The following CELF2 variants were observed in gnomAD, a reference collection of about 807,000 sequenced individuals.
CELF2 encodes CUG triplet repeat RNA-binding protein 2.
Under a neutral mutation model 62.6 loss-of-function variants are expected in CELF2, and 8 were observed. The observed-to-expected ratio is 0.13, with a 90% CI of 0.07 to 0.23. CELF2 has a LOEUF of 0.23. Among genes scored for constraint, CELF2 ranks in the 10% least tolerant of loss-of-function variants. The probability of loss-of-function intolerance (pLI) is 1.00; values close to 1 mark genes in which losing one functional copy is unlikely to be tolerated. For missense variants in CELF2, 333 were observed against 671.0 expected, an observed-to-expected ratio of 0.50 and a Z score of 5.56; for synonymous variants, 258 against 250.0, an observed-to-expected ratio of 1.03 and a Z score of -0.30.
Position 11,157,537 on chromosome 10 carries a change from G to A in CELF2, c.75-7949G>A, listed in dbSNP as rs1046833791. Among the ~76,000 whole-genome samples the A allele has an allele frequency of 4.6e-5, 7 of 152,044 alleles. No individual in the cohort carries two copies. The highest frequency in any genetic ancestry group is 2.0e-4 in the Admixed American group (3 of 15,272). On this transcript the variant is annotated intron_variant, in intron 1 of 12. Coordinates refer to ENST00000633077, the MANE Select transcript of CELF2 (RefSeq NM_001326342.2). The surrounding 1 kb of genome is among the most constrained non-coding windows in gnomAD (Gnocchi z 4.9). ...GCCTTTATTTATTGCTCTATTATAGGCCTTATACCACATTGGTTTTGGTTT... is the reference window on the plus strand; with the variant it reads ...GCCTTTATTTATTGCTCTATTATAGACCTTATACCACATTGGTTTTGGTTT...
upstream of CELF2, chr10:10,794,583 A>G (rs1382494759): frequency 7.1e-6 from 1 of 141,698 alleles, no homozygotes; most frequent in Non-Finnish European, 1.5e-5. Context: ...TTCGTAACAA[A>G]CCAGTTTTTT....
intron 9 of CELF2, among the ~76,000 whole-genome samples, chr10:11,299,065 G>A (rs773531071): frequency 9.2e-5 from 14 of 152,180 alleles, no homozygotes; most frequent in South Asian, 2.1e-4. Flanking sequence ...TCAAGGGAAC[G>A]GGGAACTTTC....
rs2073426698 is a variant in CELF2, at chr10:11,181,671, G to GT, written c.271+15990dup. On this transcript the variant is annotated intron_variant, in intron 2 of 12. Coordinates refer to ENST00000633077, the MANE Select transcript of CELF2 (RefSeq NM_001326342.2). Reference sequence around the variant, plus strand: ...CTGTATGCCCCTCTCACTGTGCACAGTACTTTGTGCCATTCTGCAGTTGCA... The same window carrying GT: ...CTGTATGCCCCTCTCACTGTGCACAGTTACTTTGTGCCATTCTGCAGTTGCA... 5.3e-5 allele frequency among the ~76,000 whole-genome samples: 8 copies of GT among 152,338 alleles called. No individual in the cohort carries two copies. The South Asian group carries it at 1.7e-3, about 32-fold the overall frequency.
intron 1 of CELF2, among the ~76,000 whole-genome samples, chr10:10,903,159 C>T (rs909056864): frequency 2.0e-5 from 3 of 152,172 alleles, no homozygotes; most frequent in Non-Finnish European, 4.4e-5. Context: ...TGTATATCAG[C>T]TAAGTGACCT....
intron 8 of CELF2, among the ~76,000 whole-genome samples, chr10:11,287,313 G>A (rs1590738004): frequency 1.3e-5 from 2 of 152,138 alleles, no homozygotes; most frequent in East Asian, 1.9e-4. Flanking sequence ...CAGTCTTCTG[G>A]TAAAGTGAAT....
At chr10:10,974,968 T>G (rs902537568) in intron 2 of CELF2, among the ~76,000 whole-genome samples, 4 of 152,198 alleles carry the variant, frequency 2.6e-5, no homozygotes, top group African/African-American at 9.7e-5. Flanking sequence ...AAATGAATGG[T>G]CCCTTGTAAT....
chr10:10,781,790 C>T, the CELF2 span, among the ~76,000 whole-genome samples: 3 of 152,174 alleles, frequency 2.0e-5, no homozygotes, highest in African/African-American at 4.8e-5. Flanking sequence ...CCTACAGACA[C>T]ACTTCTCAGA....
chr10:11,307,609 A>C (rs2094320737), intron 9 of CELF2, among the ~76,000 whole-genome samples: 1 of 152,212 alleles, frequency 6.6e-6, no homozygotes, highest in Non-Finnish European at 1.5e-5. Context: ...CGGTGAATTC[A>C]GTGCCCTTCT....
chr10:10,808,602 C>T (rs2055494561), intron 1 of CELF2, among the ~76,000 whole-genome samples: 1 of 152,130 alleles, frequency 6.6e-6, no homozygotes. Flanking sequence ...AGTTAAGTAT[C>T]TAACCAATGT....
chr10:10,620,224 AAG>A, the CELF2 span, among the ~76,000 whole-genome samples: 1 of 152,148 alleles, frequency 6.6e-6, no homozygotes, highest in Non-Finnish European at 1.5e-5. Flanking sequence ...CATACAATCT[AAG>A]GCTGCTTTCA....
the CELF2 span, among the ~76,000 whole-genome samples, chr10:10,585,922 GT>G: frequency 6.6e-6 from 1 of 152,154 alleles, no homozygotes; most frequent in Non-Finnish European, 1.5e-5. Context: ...GATATCTGTT[GT>G]TTGCTTGTAT....
the CELF2 span, among the ~76,000 whole-genome samples, chr10:10,582,691 G>A: frequency 6.6e-6 from 1 of 152,098 alleles, no homozygotes; most frequent in Non-Finnish European, 1.5e-5. Context: ...TATACTAGCT[G>A]GTCTAGGGAG....
chr10:10,948,313 C>G (rs962123327), intron 2 of CELF2: 1 of 152,180 alleles, frequency 6.6e-6, no homozygotes, highest in Admixed American at 6.5e-5. Context: ...TACATCCAGC[C>G]CTTACATGTC....
At chr10:11,301,405 C>G (rs1429912387) in intron 9 of CELF2, among the ~76,000 whole-genome samples, 1 of 101,946 alleles carries the variant, frequency 9.8e-6, no homozygotes, top group African/African-American at 3.8e-5. Flanking sequence ...CCGCTTCCCC[C>G]CCTCCCGCAC....
At chr10:11,084,556 T>C (rs2074906882) in intron 1 of CELF2, among the ~76,000 whole-genome samples, 1 of 152,136 alleles carries the variant, frequency 6.6e-6, no homozygotes, top group East Asian at 1.9e-4. Flanking sequence ...ATGGGCAGAG[T>C]CAAGGGTGGA....
chr10:10,639,499 C>T, the CELF2 span, among the ~76,000 whole-genome samples: 2,145 of 152,222 alleles, frequency 0.014, 22 homozygotes, highest in South Asian at 0.033. Flanking sequence ...GGCACTGATG[C>T]AAATATTAAA....
intron 1 of CELF2, among the ~76,000 whole-genome samples, chr10:11,006,039 T>A (rs1164305858): frequency 1.3e-5 from 2 of 152,024 alleles, no homozygotes; most frequent in Non-Finnish European, 2.9e-5. Context: ...GTGTTGGGGG[T>A]TCTCTCACAT....
At chr10:11,144,604 A>G (rs1403654480) in intron 1 of CELF2, among the ~76,000 whole-genome samples, 5 of 150,284 alleles carry the variant, frequency 3.3e-5, no homozygotes, top group African/African-American at 4.9e-5. Flanking sequence ...AAAAAAAAGC[A>G]CCCCCAAGGA....
chr10:11,179,592 A>G (rs2072551673), intron 2 of CELF2, among the ~76,000 whole-genome samples: 1 of 152,258 alleles, frequency 6.6e-6, no homozygotes, highest in Admixed American at 6.5e-5. Flanking sequence ...ATTCATTCTT[A>G]GGACATGTGT....
Sources: allele counts gnomAD v4.1 joint callset (sites outside exome capture counted in the v4.1 genomes callset), GRCh38; gene constraint gnomAD v4.1.1; non-coding constraint Gnocchi (gnomAD v3.1); transcripts MANE v1.5; gene names NCBI Gene and HGNC (gene_info 2026-07-23, HGNC 2026-07-21).